The following OSBP2 variants were observed in gnomAD, a reference collection of about 807,000 sequenced individuals.
The protein encoded by OSBP2 is oxysterol binding protein 2.
In OSBP2, 66 loss-of-function variants were observed where a neutral mutation model predicts 96.0. The ratio of observed to expected loss-of-function variants is 0.69; its 90% CI spans 0.56 to 0.84. The LOEUF is 0.84. OSBP2 is among the 40% of genes least tolerant of loss of function. OSBP2 has a pLI of 0.00. For synonymous variants in OSBP2, 525 were observed against 520.9 expected, an observed-to-expected ratio of 1.01 and a Z score of -0.11; for missense variants, 1,038 against 1,222.7, an observed-to-expected ratio of 0.85 and a Z score of 2.25.
intron 2 of OSBP2, among the ~76,000 whole-genome samples, chr22:30,758,374 C>T (rs1318984319): frequency 6.6e-6 from 1 of 152,088 alleles, no homozygotes; most frequent in Admixed American, 6.6e-5. Context: ...GCATTCCAGC[C>T]TGGGTGACAG....
In OSBP2 at chr22:30,790,304, G is replaced by C. The variant is rs549628937; in HGVS notation, c.853+48935G>C. Among the ~76,000 whole-genome samples the C allele has an allele frequency of 4.8e-5, 7 of 145,088 alleles. No individual in the cohort carries two copies. In the South Asian group the frequency reaches 1.5e-3, roughly 32 times the overall value. On this transcript the variant is annotated intron_variant, in intron 2 of 13. Transcript: ENST00000332585. ...CTGCTGTGGACCCACTTTTTAAGGA[G>C]GGGGGGGCGGGGAAAGCATAGAAAA...
At chr22:30,778,303 G>GCACAGACACA (rs2090463981) in intron 2 of OSBP2, among the ~76,000 whole-genome samples, 1 of 146,528 alleles carries the variant, frequency 6.8e-6, no homozygotes, top group African/African-American at 2.5e-5. Flanking sequence ...GTGTGCATGT[G>GCACAGACACA]CACACACACA....
At chr22:30,792,452 T>C (rs1290998111) in intron 2 of OSBP2, among the ~76,000 whole-genome samples, 1 of 152,244 alleles carries the variant, frequency 6.6e-6, no homozygotes, top group African/African-American at 2.4e-5. Context: ...CTGTAAATGC[T>C]TCCTGCAGAC....
intron 1 of OSBP2, among the ~76,000 whole-genome samples, chr22:30,699,277 G>T (rs1254890161): frequency 1.3e-5 from 2 of 152,108 alleles, no homozygotes; most frequent in Non-Finnish European, 2.9e-5. Flanking sequence ...TTCAAAAAGG[G>T]TTTCTAATAT....
intron 2 of OSBP2, among the ~76,000 whole-genome samples, chr22:30,850,944 G>T (rs990285071): frequency 1.7e-4 from 26 of 152,296 alleles, no homozygotes; most frequent in African/African-American, 6.0e-4. Flanking sequence ...CATGAACTTG[G>T]TATGTCTCTC....
chr22:30,751,149 A>G (rs1043390770), intron 2 of OSBP2, among the ~76,000 whole-genome samples: 2 of 152,126 alleles, frequency 1.3e-5, no homozygotes, highest in Non-Finnish European at 2.9e-5. Flanking sequence ...GACCAAACCA[A>G]TGTGTTTCTT....
At chr22:30,764,288 G>T in intron 2 of OSBP2, 1 of 985,014 alleles carries the variant, frequency 1.0e-6, no homozygotes, top group Non-Finnish European at 1.2e-6. Context: ...TGGGGTGGGC[G>T]GGGATGAGGA....
At chr22:30,730,808 A>ATTATT (rs1491303061) in intron 1 of OSBP2, among the ~76,000 whole-genome samples, 3 of 39,338 alleles carry the variant, frequency 7.6e-5, no homozygotes, top group African/African-American at 1.2e-4. Flanking sequence ...ATATATATAT[A>ATTATT]ATTTTTTTTT....
intron 1 of OSBP2, among the ~76,000 whole-genome samples, chr22:30,717,081 T>G (rs1162569478): frequency 1.7e-5 from 2 of 115,312 alleles, no homozygotes; most frequent in African/African-American, 8.3e-5. Flanking sequence ...TGTTTTAATT[T>G]TACTGTTTTT....
At chr22:30,758,880 A>G (rs1486220969) in intron 2 of OSBP2, among the ~76,000 whole-genome samples, 1 of 152,226 alleles carries the variant, frequency 6.6e-6, no homozygotes, top group Non-Finnish European at 1.5e-5. Flanking sequence ...TCACAGAAAG[A>G]GAACACCTTG....
intron 2 of OSBP2, among the ~76,000 whole-genome samples, chr22:30,827,009 G>A (rs1421213946): frequency 6.6e-6 from 1 of 152,176 alleles, no homozygotes. Context: ...GCTTCCTGGA[G>A]GAGGTGACAC....
intron 12 of OSBP2, among the ~76,000 whole-genome samples, chr22:30,905,132 GTCTTTTTTTT>G (rs1451477205): frequency 1.2e-4 from 13 of 107,782 alleles, no homozygotes; most frequent in African/African-American, 4.5e-4. Context: ...AGCGAGACCC[GTCTTTTTTTT>G]TTTTTTTTTT....
chr22:30,843,377 T>C (rs987965238), intron 2 of OSBP2, among the ~76,000 whole-genome samples: 3 of 152,000 alleles, frequency 2.0e-5, no homozygotes, highest in Non-Finnish European at 2.9e-5. Context: ...TTTGCAAGCT[T>C]CATTTGCCAA....
At chr22:30,792,334 A>T (rs136294) in intron 2 of OSBP2, among the ~76,000 whole-genome samples, 64,289 of 151,814 alleles carry the variant, frequency 0.42, 14,838 homozygotes, top group African/African-American at 0.62. Context: ...AAAAAGAATT[A>T]TCAATCACTA....
At chr22:30,774,392 G>C (rs1273599046) in intron 2 of OSBP2, among the ~76,000 whole-genome samples, 3 of 152,172 alleles carry the variant, frequency 2.0e-5, no homozygotes, top group Admixed American at 2.0e-4. Context: ...GTGAGGTGAC[G>C]GTCATTGTGG....
chr22:30,772,487 CTG>C (rs2090361331), intron 2 of OSBP2, among the ~76,000 whole-genome samples: 1 of 152,168 alleles, frequency 6.6e-6, no homozygotes. Flanking sequence ...TGAGGCAGCT[CTG>C]TGTCATAGAG....
chr22:30,881,824 G>A lies in OSBP2; in HGVS notation c.1108-5602G>A, dbSNP rs1245148850. The A allele has an allele frequency of 3.1e-6, 4 of 1,303,804 alleles. No individual in the cohort carries two copies. In the South Asian group the frequency reaches 4.9e-5, roughly 16 times the overall value. 80.8% of individuals were successfully genotyped at this position (1,303,804 alleles called of 1,614,324 possible). A position where few individuals can be genotyped will look rare whatever the true frequency, so the allele number is the denominator to read the frequency against. On this transcript the variant is annotated intron_variant, in intron 3 of 13. Coordinates refer to ENST00000332585, the MANE Select transcript of OSBP2 (RefSeq NM_030758.4). The surrounding 1 kb of genome is among the most constrained non-coding windows in gnomAD (Gnocchi z 4.5). ...CCAGGTGGGTGCATCCGGGCTGGGG[G>A]AGGTGGACGGGCTCTCTGCATCCAT... is the stretch of plus-strand genomic sequence containing the variant.
At chr22:30,855,114 T>C (rs1326033538) in intron 2 of OSBP2, among the ~76,000 whole-genome samples, 6 of 152,130 alleles carry the variant, frequency 3.9e-5, no homozygotes, top group Non-Finnish European at 8.8e-5. Context: ...CAGAATGAGA[T>C]TTGGGTGGGG....
intron 2 of OSBP2, among the ~76,000 whole-genome samples, chr22:30,862,580 T>C (rs528685552): frequency 6.6e-6 from 1 of 152,220 alleles, no homozygotes; most frequent in East Asian, 1.9e-4. Flanking sequence ...CTGGGGAGGC[T>C]GAGGCAGGAG....
Sources: allele counts gnomAD v4.1 joint callset (sites outside exome capture counted in the v4.1 genomes callset), GRCh38; gene constraint gnomAD v4.1.1; non-coding constraint Gnocchi (gnomAD v3.1); transcripts MANE v1.5; gene names NCBI Gene and HGNC (gene_info 2026-07-23, HGNC 2026-07-21).